Variants in RNLS observed in about 807,000 individuals in gnomAD.
The protein encoded by RNLS is renalase, FAD dependent amine oxidase.
Under a neutral mutation model 39.8 loss-of-function variants are expected in RNLS, and 39 were observed. The ratio of observed to expected loss-of-function variants is 0.98; its 90% CI spans 0.76 to 1.28. RNLS has a LOEUF of 1.28. Among genes scored for constraint, RNLS ranks in the 50% most tolerant of loss-of-function variants. The pLI is 0.00. For missense variants in RNLS, 410 were observed against 413.3 expected (o/e 0.99, Z 0.07); for synonymous variants, 147 against 150.7 (o/e 0.98, Z 0.18).
intron 4 of RNLS, among the ~76,000 whole-genome samples, chr10:88,427,440 C>T (rs1854855167): frequency 6.6e-6 from 1 of 151,958 alleles, no homozygotes; most frequent in African/African-American, 2.4e-5. Flanking sequence ...TGATCTCTTT[C>T]CAATATCTAA....
At chr10:88,264,541 T>C in the RNLS span, among the ~76,000 whole-genome samples, 1 of 152,226 alleles carries the variant, frequency 6.6e-6, no homozygotes, top group Non-Finnish European at 1.5e-5. Context: ...TATCACATTG[T>C]GGTTTTGATG....
intron 4 of RNLS, among the ~76,000 whole-genome samples, chr10:88,460,014 G>A (rs912655920): frequency 1.3e-5 from 2 of 152,066 alleles, no homozygotes; most frequent in South Asian, 2.1e-4. Context: ...TACTGATGAA[G>A]CATTTTTTTG....
chr10:88,376,745 A>G (rs1195815729), intron 4 of RNLS, among the ~76,000 whole-genome samples: 2 of 152,198 alleles, frequency 1.3e-5, no homozygotes, highest in Non-Finnish European at 2.9e-5. Flanking sequence ...ATCTTCCCCT[A>G]CATACCATGT....
At chr10:88,579,650 G>T (rs955072475) in intron 3 of RNLS, among the ~76,000 whole-genome samples, 7 of 152,126 alleles carry the variant, frequency 4.6e-5, no homozygotes, top group African/African-American at 1.4e-4. Context: ...TGGGTCAGGG[G>T]AAAATCATGG....
chr10:88,322,755 T>C (rs1242256499), intron 5 of RNLS, among the ~76,000 whole-genome samples: 1 of 152,158 alleles, frequency 6.6e-6, no homozygotes, highest in Admixed American at 6.6e-5. Flanking sequence ...ATTTCTCCTA[T>C]TCAACATATT....
chr10:88,561,086 A>T (rs149227506), intron 4 of RNLS, among the ~76,000 whole-genome samples: 13 of 152,256 alleles, frequency 8.5e-5, no homozygotes, highest in African/African-American at 2.2e-4. Context: ...ACTGAGACCG[A>T]AGTTTAAACA....
intron 4 of RNLS, among the ~76,000 whole-genome samples, chr10:88,364,432 G>A (rs941940783): frequency 6.6e-6 from 1 of 152,094 alleles, no homozygotes; most frequent in Non-Finnish European, 1.5e-5. Context: ...CTTCACAAAA[G>A]CCATCCTCAT....
chr10:88,258,927 T>C, the RNLS span, among the ~76,000 whole-genome samples: 1 of 152,236 alleles, frequency 6.6e-6, no homozygotes, highest in East Asian at 1.9e-4. Flanking sequence ...CAGTCTTTAA[T>C]GCTCTGTTAC....
the RNLS span, among the ~76,000 whole-genome samples, chr10:88,221,818 T>G: frequency 1.3e-5 from 2 of 151,518 alleles, no homozygotes; most frequent in Non-Finnish European, 2.9e-5. Context: ...TTGTGGCACT[T>G]TTTTTTTTCC....
chr10:88,559,242 T>G (rs571147369), intron 4 of RNLS, among the ~76,000 whole-genome samples: 1 of 152,306 alleles, frequency 6.6e-6, no homozygotes, highest in African/African-American at 2.4e-5. Flanking sequence ...TATTCATGTT[T>G]TACGTGTCAG....
At chr10:88,531,166 T>A (rs1192708159) in intron 4 of RNLS, among the ~76,000 whole-genome samples, 1 of 152,080 alleles carries the variant, frequency 6.6e-6, no homozygotes, top group African/African-American at 2.4e-5. Flanking sequence ...GAGTACAACA[T>A]CTGATTTTAG....
the RNLS span, among the ~76,000 whole-genome samples, chr10:88,191,954 G>A: frequency 6.6e-6 from 1 of 151,486 alleles, no homozygotes; most frequent in Admixed American, 6.6e-5. Context: ...TCAGCTTGGG[G>A]TGCCCCATAG....
chr10:88,434,739 T>C (rs1855359500), intron 4 of RNLS, among the ~76,000 whole-genome samples: 1 of 152,142 alleles, frequency 6.6e-6, no homozygotes, highest in African/African-American at 2.4e-5. Flanking sequence ...TTGGTTAGAA[T>C]AGCTAGAGTT....
At chr10:88,283,136 G>A (rs1215557486), downstream of RNLS, among the ~76,000 whole-genome samples, 1 of 152,144 alleles carries the variant, frequency 6.6e-6, no homozygotes, top group Non-Finnish European at 1.5e-5. Flanking sequence ...CTGGCCAGCT[G>A]AATTTTATGG....
chr10:88,523,292 T>C (rs1474513591), intron 4 of RNLS, among the ~76,000 whole-genome samples: 1 of 152,142 alleles, frequency 6.6e-6, no homozygotes, highest in African/African-American at 2.4e-5. Context: ...TGCATCCCAC[T>C]GTGCCATTCA....
At chr10:88,342,650 AAAAT>A (rs1267610328) in intron 5 of RNLS, among the ~76,000 whole-genome samples, 1 of 152,184 alleles carries the variant, frequency 6.6e-6, no homozygotes, top group African/African-American at 2.4e-5. Flanking sequence ...ATATAAGTAT[AAAAT>A]AAATCATAAA....
chr10:88,337,153 A>G (rs568359582), intron 5 of RNLS, among the ~76,000 whole-genome samples: 1 of 152,172 alleles, frequency 6.6e-6, no homozygotes, highest in Non-Finnish European at 1.5e-5. Flanking sequence ...GGGGCTCAAA[A>G]CAGTTCACAG....
intron 4 of RNLS, among the ~76,000 whole-genome samples, chr10:88,386,167 C>G (rs2133550564): frequency 6.6e-6 from 1 of 152,246 alleles, no homozygotes; most frequent in South Asian, 2.1e-4. Context: ...TAAACTCTAA[C>G]AAAAAATATA....
chr10:88,524,655 T>C (rs1173034415), intron 4 of RNLS, among the ~76,000 whole-genome samples: 2 of 151,992 alleles, frequency 1.3e-5, no homozygotes, highest in Admixed American at 1.3e-4. Flanking sequence ...AACAGCCACA[T>C]GTGCCTATGT....
Sources: gnomAD v4.1 joint callset for allele counts (sites outside exome capture counted in the v4.1 genomes callset) on GRCh38, gnomAD v4.1.1 for gene constraint, MANE v1.5 for transcripts, NCBI Gene and HGNC (gene_info 2026-07-23, HGNC 2026-07-21) for gene names.